Variants in ATP9A observed in about 807,000 individuals in gnomAD.
The protein encoded by ATP9A is ATPase phospholipid transporting 9A.
ATP9A carries 52 observed loss-of-function variants against 144.1 expected under a neutral mutation model. That is an observed-to-expected ratio of 0.36 (90% CI 0.29 to 0.45). The LOEUF is 0.45. Ranked by LOEUF, ATP9A falls within the 20% of genes least tolerant of loss-of-function variation. ATP9A has a pLI of 1.00. For synonymous variants in ATP9A, 582 were observed against 557.4 expected (o/e 1.04, Z -0.62); for missense variants, 947 against 1,392.7 (o/e 0.68, Z 5.09).
intron 22 of ATP9A, among the ~76,000 whole-genome samples, chr20:51,616,438 C>T (rs1258900293): frequency 6.6e-6 from 1 of 152,198 alleles, no homozygotes; most frequent in Non-Finnish European, 1.5e-5. Context: ...CCTGCCTCAG[C>T]CTCCTGAGTA....
chr20:51,668,696 C>T (rs1451812248), intron 13 of ATP9A, among the ~76,000 whole-genome samples: 1 of 152,158 alleles, frequency 6.6e-6, no homozygotes, highest in East Asian at 1.9e-4. Flanking sequence ...GTCCATGGAT[C>T]CATTTGGAGA....
chr20:51,717,033 G>C (rs2077664964), intron 3 of ATP9A, among the ~76,000 whole-genome samples: 1 of 151,944 alleles, frequency 6.6e-6, no homozygotes, highest in South Asian at 2.1e-4. Context: ...AAATTAGCTG[G>C]GTGTGGTGGC....
At chr20:51,663,794 AG>A (rs2077421401) in intron 13 of ATP9A, among the ~76,000 whole-genome samples, 1 of 123,332 alleles carries the variant, frequency 8.1e-6, no homozygotes, top group African/African-American at 3.0e-5. Flanking sequence ...ACTCCGTCTC[AG>A]AAAAAAAAAA....
chr20:51,606,847 C>T (rs909048897), intron 26 of ATP9A, among the ~76,000 whole-genome samples: 4 of 151,858 alleles, frequency 2.6e-5, no homozygotes, highest in African/African-American at 4.8e-5. Context: ...CACTGAACTC[C>T]AGCCTGGGCA....
At chr20:51,608,167 C>T (rs890846710) in intron 25 of ATP9A, among the ~76,000 whole-genome samples, 12 of 152,206 alleles carry the variant, frequency 7.9e-5, no homozygotes, top group African/African-American at 2.6e-4. Flanking sequence ...CCACCACACA[C>T]ACTTTTTGGA....
intron 13 of ATP9A, among the ~76,000 whole-genome samples, chr20:51,659,706 G>A (rs751445331): frequency 1.3e-4 from 20 of 152,150 alleles, no homozygotes; most frequent in Non-Finnish European, 2.2e-4. Context: ...CATGACACCC[G>A]ATTGCCCAAA....
chr20:51,706,164 T>C (rs1167007332), intron 4 of ATP9A, among the ~76,000 whole-genome samples: 2 of 152,248 alleles, frequency 1.3e-5, no homozygotes, highest in Non-Finnish European at 2.9e-5. Flanking sequence ...AAAGCACCCC[T>C]GTAGCATATG....
chr20:51,742,225 T>C (rs976436759), intron 1 of ATP9A, among the ~76,000 whole-genome samples: 1 of 150,142 alleles, frequency 6.7e-6, no homozygotes, highest in African/African-American at 2.5e-5. Flanking sequence ...CTTGGGGGGC[T>C]AAGGACGAAG....
intron 14 of ATP9A, among the ~76,000 whole-genome samples, chr20:51,653,157 C>T (rs1286799791): frequency 6.8e-6 from 1 of 146,276 alleles, no homozygotes; most frequent in African/African-American, 2.5e-5. Context: ...CCTCTGAAGA[C>T]ACCAAAGGCC....
intron 27 of ATP9A, among the ~76,000 whole-genome samples, chr20:51,603,078 C>T (rs2077149490): frequency 6.6e-6 from 1 of 151,856 alleles, no homozygotes; most frequent in South Asian, 2.1e-4. Flanking sequence ...TTGTCATTAA[C>T]TGAAAGTTTC....
At chr20:51,697,249 G>GCC (rs2077574295) in intron 5 of ATP9A, among the ~76,000 whole-genome samples, 175 bp downstream of exon 5, 1 of 119,096 alleles carries the variant, frequency 8.4e-6, no homozygotes, top group South Asian at 2.8e-4. Context: ...GTGTGTGTGT[G>GCC]TCTGTGTGTG....
intron 21 of ATP9A, among the ~76,000 whole-genome samples, chr20:51,617,761 G>C (rs1009377931): frequency 6.6e-6 from 1 of 152,188 alleles, no homozygotes; most frequent in Non-Finnish European, 1.5e-5. Context: ...CAGGCGGCTT[G>C]CCAAGGGTCC....
chr20:51,643,055 T>C (rs534812140), intron 14 of ATP9A, among the ~76,000 whole-genome samples: 1 of 152,344 alleles, frequency 6.6e-6, no homozygotes, highest in African/African-American at 2.4e-5. Context: ...TGTATCTTTA[T>C]GCATCCTTAG....
intron 17 of ATP9A, among the ~76,000 whole-genome samples, chr20:51,627,192 G>A: frequency 6.6e-6 from 1 of 152,088 alleles, no homozygotes; most frequent in East Asian, 1.9e-4. Context: ...TATATGAACA[G>A]GGTCAAGTTT....
intron 9 of ATP9A, among the ~76,000 whole-genome samples, chr20:51,688,664 A>C (rs1321551321): frequency 6.6e-6 from 1 of 152,170 alleles, no homozygotes; most frequent in East Asian, 1.9e-4. Flanking sequence ...CTTGGTGTTT[A>C]AACACAGAAG....
chr20:51,659,769 T>A (rs754898539), intron 13 of ATP9A, among the ~76,000 whole-genome samples: 2 of 152,356 alleles, frequency 1.3e-5, no homozygotes, highest in Admixed American at 1.3e-4. Flanking sequence ...ACTTAATTTT[T>A]TAATACTATT....
At chr20:51,686,215 G>A (rs924248706) in intron 9 of ATP9A, among the ~76,000 whole-genome samples, 2 of 151,984 alleles carry the variant, frequency 1.3e-5, no homozygotes, top group Middle Eastern at 3.4e-3. Flanking sequence ...GGGGCCTGTC[G>A]TGGCGTGGGG....
chr20:51,724,822 G>A (rs748461761), intron 3 of ATP9A, among the ~76,000 whole-genome samples: 17 of 152,218 alleles, frequency 1.1e-4, no homozygotes, highest in Non-Finnish European at 5.9e-5. Flanking sequence ...CAAAAGCATA[G>A]ATTCTGCTAC....
chr20:51,689,239 C>A, intron 8 of ATP9A, 100 bp from the exon 9 acceptor site: 1 of 1,226,632 alleles, frequency 8.2e-7, no homozygotes, highest in Non-Finnish European at 1.2e-6. Context: ...AGACAGGCTC[C>A]CCCCGATGAA....
Sources: gnomAD v4.1 joint callset for allele counts (sites outside exome capture counted in the v4.1 genomes callset) on GRCh38, gnomAD v4.1.1 for gene constraint, MANE v1.5 for transcripts, NCBI Gene and HGNC (gene_info 2026-07-23, HGNC 2026-07-21) for gene names.